OTOF: variants seen among roughly 807,000 people sequenced by gnomAD.
OTOF encodes otoferlin, also known as fer-1-like family member 2.
A neutral mutation model predicts 236.8 loss-of-function variants in OTOF; 218 were observed. The observed-to-expected ratio is 0.92, with a 90% CI of 0.82 to 1.03. The LOEUF is 1.03. OTOF is among the 50% of genes least tolerant of loss of function. OTOF has a pLI of 0.00. For missense variants in OTOF, 2,590 were observed against 2,694.4 expected (o/e 0.96, Z 0.86); for synonymous variants, 1,041 against 1,072.5 (o/e 0.97, Z 0.57).
intron 6 of OTOF, among the ~76,000 whole-genome samples, chr2:26,503,051 G>A (rs1572456852): frequency 1.3e-5 from 2 of 152,146 alleles, no homozygotes; most frequent in East Asian, 1.9e-4. Flanking sequence ...GAAGGTGAAG[G>A]GCACGGCTGG....
chr2:26,464,876 G>A lies in OTOF; in HGVS notation c.4953C>T (p.Asp1651=), dbSNP rs62127667. Reference sequence around the variant, plus strand: ...CATCCAGTGCCCCATTACCGTTCTCGTCCTCAATCTCAGAGGGCCCAGTGA... The same window carrying A: ...CATCCAGTGCCCCATTACCGTTCTCATCCTCAATCTCAGAGGGCCCAGTGA... ...RVFTGPSEIE[D]ENGQRKPTDE... is the part of the protein sequence containing the mutation. The change falls in exon 39 of 47, where the codon GAC becomes GAT. Residue 1651 remains aspartate, a synonymous_variant. Coordinates refer to ENST00000272371, the MANE Select transcript of OTOF (RefSeq NM_194248.3). 24 of 1,602,578 alleles carry A rather than the reference G, an allele frequency of 1.5e-5. No individual in the cohort carries two copies. Among genetic ancestry groups the A allele is most frequent in the African/African-American group, 4.0e-5 (3 of 74,184 alleles).
Position 26,482,392 on chromosome 2 carries a change from C to G in OTOF, c.1579+14G>C, listed in dbSNP as rs376216223. ...CCCTCTGCCCCCCAGCACACCGGGT[C>G]TCCCGCTGCTGACCTTTGTCTCCGT... On this transcript the variant is annotated intron_variant, in intron 14 of 46. Transcript: ENST00000272371. 9.9e-6 allele frequency: 16 copies of G among 1,612,330 alleles called. No homozygotes were observed. The African/African-American group carries it at 2.0e-4, about 20-fold the overall frequency.
chr2:26,534,620 C>G (rs1667025132), intron 2 of OTOF, among the ~76,000 whole-genome samples: 1 of 152,216 alleles, frequency 6.6e-6, no homozygotes, highest in Non-Finnish European at 1.5e-5. Context: ...CCTAGTAGAG[C>G]TGTGAGAGAC....
intron 3 of OTOF, 35 bp downstream of exon 3, chr2:26,527,797 C>G (rs1666844890): frequency 6.7e-7 from 1 of 1,501,536 alleles, no homozygotes; most frequent in Admixed American, 1.7e-5. Context: ...CCAGCCCGTC[C>G]AGGCCCAGCC....
rs116363256 is a variant in OTOF at position 26,495,586 on chromosome 2, G to A, written c.766-513C>T. On this transcript the variant is annotated intron_variant, in intron 8 of 46. Coordinates refer to ENST00000272371, the MANE Select transcript of OTOF (RefSeq NM_194248.3). Reference sequence around the variant, plus strand: ...GATTACAGGCATGCACTACCACACCGGGCTAATTTTTGTCTTTTTTATACA... The same window carrying A: ...GATTACAGGCATGCACTACCACACCAGGCTAATTTTTGTCTTTTTTATACA... Among the ~76,000 whole-genome samples the A allele has an allele frequency of 3.1e-3, 466 of 152,086 alleles. 3 individuals are homozygous for A. Among genetic ancestry groups the A allele is most frequent in the East Asian group, 8.5e-3 (44 of 5,172 alleles).
chr2:26,479,117 TG>T, intron 18 of OTOF, 146 bp downstream of exon 18: 1 of 1,028,678 alleles, frequency 9.7e-7, no homozygotes, highest in Non-Finnish European at 1.4e-6. Flanking sequence ...CCCTGGGACC[TG>T]GGGCTGAGAA....
chr2:26,494,184 G>A (rs1665918138), intron 9 of OTOF, among the ~76,000 whole-genome samples: 1 of 152,232 alleles, frequency 6.6e-6, no homozygotes, highest in Non-Finnish European at 1.5e-5. Flanking sequence ...CTTCCATATG[G>A]AGGCCTCAGT....
In OTOF at chr2:26,458,721, C is replaced by T. The variant is rs563326483; in HGVS notation, c.*18-501G>A. 6.6e-5 allele frequency among the ~76,000 whole-genome samples: 10 copies of T among 152,318 alleles called. No individual in the cohort carries two copies. In the East Asian group the frequency reaches 1.7e-3, roughly 26 times the overall value. On this transcript the variant is annotated intron_variant, in intron 46 of 46. Transcript: ENST00000272371. ...TCCACCTTCTGTAGAGCCTCCCAGC[C>T]GAGAAGCACCTGGCCAGCCTCACTA...
intron 13 of OTOF, among the ~76,000 whole-genome samples, chr2:26,482,949 G>A (rs1450389077): frequency 6.0e-5 from 9 of 148,950 alleles, no homozygotes; most frequent in Admixed American, 6.0e-4. Flanking sequence ...ATTCGTGGGT[G>A]CATGTGTGCA....
chr2:26,494,068 C>A (rs191710811), intron 9 of OTOF, among the ~76,000 whole-genome samples: 1 of 152,208 alleles, frequency 6.6e-6, no homozygotes, highest in African/African-American at 2.4e-5. Context: ...GCCTGGGAAC[C>A]AAGGTGCCAT....
chr2:26,510,896 C>T (rs778219242), intron 5 of OTOF: 18 of 369,710 alleles, frequency 4.9e-5, no homozygotes, highest in Non-Finnish European at 7.3e-5. Context: ...CAGCTTCGCA[C>T]GGTAGCAAGC....
intron 9 of OTOF, among the ~76,000 whole-genome samples, chr2:26,493,025 G>A (rs541892973): frequency 6.6e-5 from 10 of 152,290 alleles, no homozygotes; most frequent in African/African-American, 9.6e-5. Flanking sequence ...AACCACCGGG[G>A]CCACAGGGAC....
intron 16 of OTOF, 37 bp downstream of exon 16, chr2:26,480,166 C>A: frequency 8.0e-7 from 1 of 1,243,722 alleles, no homozygotes; most frequent in South Asian, 1.2e-5. Context: ...GCCCAGCACT[C>A]ACCTAGGCCC....
Position 26,503,851 on chromosome 2 carries a change from A to AG in OTOF, c.510-7dup, listed in dbSNP as rs780497211. The AG allele has an allele frequency of 6.2e-7, 1 of 1,613,536 alleles. No homozygotes were observed. The highest frequency in any genetic ancestry group is 8.5e-7 in the Non-Finnish European group (1 of 1,179,516). On this transcript the variant is annotated splice_region_variant and splice_polypyrimidine_tract_variant and intron_variant, in intron 5 of 46. Transcript: ENST00000272371. ...AGAACACGCTCCTCCCGGCTCTGTG[A>AG]GGGGGGCCACCAGAATGAGGTGCAG... is the stretch of plus-strand genomic sequence containing the variant.
At chr2:26,536,019 T>C (rs1667062068) in intron 2 of OTOF, among the ~76,000 whole-genome samples, 1 of 152,162 alleles carries the variant, frequency 6.6e-6, no homozygotes, top group Admixed American at 6.5e-5. Flanking sequence ...GGGAGTCAGA[T>C]GCTGTGCCTG....
rs199789769 is a variant in OTOF at position 26,503,854 on chromosome 2, G to C, written c.510-9C>G. On this transcript the variant is annotated splice_polypyrimidine_tract_variant and intron_variant, in intron 5 of 46. Coordinates refer to ENST00000272371, the MANE Select transcript of OTOF (RefSeq NM_194248.3). ...ACACGCTCCTCCCGGCTCTGTGAGG[G>C]GGGCCACCAGAATGAGGTGCAGGGA... The C allele has an allele frequency of 6.2e-6, 10 of 1,613,430 alleles. No homozygotes were observed. Among genetic ancestry groups the C allele is most frequent in the Non-Finnish European group, 6.8e-6 (8 of 1,179,342 alleles).
chr2:26,516,980 A>C (rs753781626), intron 4 of OTOF, among the ~76,000 whole-genome samples: 2 of 152,142 alleles, frequency 1.3e-5, no homozygotes, highest in Non-Finnish European at 2.9e-5. Context: ...TCCTCTCCTC[A>C]GAACAAGGGC....
intron 41 of OTOF, 146 bp downstream of exon 41, chr2:26,463,336 TA>T: frequency 1.4e-6 from 1 of 729,730 alleles, no homozygotes; most frequent in Admixed American, 2.0e-5. Context: ...TTCTCCCCTA[TA>T]AGGCCCAGTG....
At chr2:26,508,363 G>T (rs542655889) in intron 5 of OTOF, among the ~76,000 whole-genome samples, 1 of 152,258 alleles carries the variant, frequency 6.6e-6, no homozygotes, top group South Asian at 2.1e-4. Context: ...CTTTACAGGT[G>T]TCTTTGAAAG....
Sources: gnomAD v4.1 joint callset for allele counts (sites outside exome capture counted in the v4.1 genomes callset) on GRCh38, gnomAD v4.1.1 for gene constraint, MANE v1.5 for transcripts, NCBI Gene and HGNC (gene_info 2026-07-23, HGNC 2026-07-21) for gene names.